Variants in FAF1 observed in about 807,000 individuals in gnomAD.
FAF1 encodes the protein FAS-associated factor 1.
A neutral mutation model predicts 92.5 loss-of-function variants in FAF1; 25 were observed. That is an observed-to-expected ratio of 0.27 (90% CI 0.20 to 0.38). The LOEUF (loss-of-function observed/expected upper bound fraction) is 0.38, where lower values mean the gene tolerates loss of function less well. FAF1 is among the 10% of genes least tolerant of loss of function. The probability of loss-of-function intolerance (pLI) is 1.00; values close to 1 mark genes in which losing one functional copy is unlikely to be tolerated. For missense variants in FAF1, 636 were observed against 793.3 expected, an observed-to-expected ratio of 0.80 and a Z score of 2.38; for synonymous variants, 234 against 273.2, an observed-to-expected ratio of 0.86 and a Z score of 1.42.
At chr1:50,779,275 T>C (rs1661074394) in intron 4 of FAF1, among the ~76,000 whole-genome samples, 1 of 152,200 alleles carries the variant, frequency 6.6e-6, no homozygotes, top group Non-Finnish European at 1.5e-5. Flanking sequence ...TCCAAACTCC[T>C]ATTAATGTTG....
rs1295848281 is a variant in FAF1, at chr1:50,450,357, G to C, written c.1870-8834C>G. Among the ~76,000 whole-genome samples, 4 of 152,258 alleles carry C rather than the reference G, an allele frequency of 2.6e-5. No homozygotes were observed. The East Asian group carries it at 7.7e-4, about 29-fold the overall frequency. ...ATTCTCTGAGGTCAAAAATGGTTCT[G>C]AGACTTGCTCAAGATTACATAGCTA... On this transcript the variant is annotated intron_variant, in intron 18 of 18. Transcript: ENST00000396153.
chr1:50,907,677 A>T (rs1644851083), intron 1 of FAF1, among the ~76,000 whole-genome samples: 1 of 151,926 alleles, frequency 6.6e-6, no homozygotes, highest in African/African-American at 2.4e-5. Flanking sequence ...AGAGTTGTTT[A>T]TAGTATTCTC....
intron 4 of FAF1, among the ~76,000 whole-genome samples, chr1:50,774,350 G>C (rs1319764700): frequency 1.3e-5 from 2 of 152,142 alleles, no homozygotes. Flanking sequence ...GGAGGGATAA[G>C]GCATTTGCCA....
chr1:50,620,101 G>T (rs1329549146), intron 8 of FAF1, among the ~76,000 whole-genome samples: 3 of 151,998 alleles, frequency 2.0e-5, no homozygotes, highest in Non-Finnish European at 4.4e-5. Context: ...TAAAGACAGG[G>T]TTTCACTATG....
At chr1:50,822,814 G>T (rs1428153789) in intron 2 of FAF1, among the ~76,000 whole-genome samples, 3 of 105,798 alleles carry the variant, frequency 2.8e-5, no homozygotes, top group African/African-American at 1.2e-4. Flanking sequence ...CGCTCTTGTT[G>T]CCCAGGCTGG....
rs1244173287 is a variant in FAF1, at chr1:50,490,795, A to C, written c.1576-130T>G. ...TGACATTCAAAGGCTCATTGTCAAC[A>C]TGACTCAGAGGTATATTGTGGTAAC... On this transcript the variant is annotated intron_variant, in intron 16 of 18. Coordinates refer to ENST00000396153, the MANE Select transcript of FAF1 (RefSeq NM_007051.3). 4 of 693,026 alleles carry C rather than the reference A, an allele frequency of 5.8e-6. No homozygotes were observed. In the East Asian group the frequency reaches 7.7e-5, roughly 13 times the overall value. The allele number at this position is 693,026 out of a possible 1,614,324, so 42.9% of individuals were successfully genotyped here.
chr1:50,542,734 T>C (rs916522278), intron 13 of FAF1, among the ~76,000 whole-genome samples: 2 of 152,198 alleles, frequency 1.3e-5, no homozygotes, highest in Non-Finnish European at 2.9e-5. Flanking sequence ...TTTTAAATAA[T>C]ACAATTTCTG....
At chr1:50,569,617 G>A (rs900673047) in intron 12 of FAF1, among the ~76,000 whole-genome samples, 4 of 152,124 alleles carry the variant, frequency 2.6e-5, no homozygotes, top group African/African-American at 9.7e-5. Flanking sequence ...TAATGAGACA[G>A]TGGGAAAAAG....
chr1:50,644,958 C>T (rs996070563), intron 8 of FAF1, among the ~76,000 whole-genome samples: 2 of 152,234 alleles, frequency 1.3e-5, no homozygotes, highest in African/African-American at 4.8e-5. Flanking sequence ...AGTGCTTCAT[C>T]CACATTCCCA....
chr1:50,932,587 C>T (rs1427891127), intron 1 of FAF1, among the ~76,000 whole-genome samples: 3 of 152,220 alleles, frequency 2.0e-5, no homozygotes, highest in African/African-American at 7.2e-5. Context: ...CTTCTAGGTG[C>T]TTTCACAGGC....
In FAF1 at chr1:50,836,170, G is replaced by GTTTTTTTTTTTTTTTTTTTTT. The variant is rs36053491; in HGVS notation, c.114+21758_114+21759insAAAAAAAAAAAAAAAAAAAAA. On this transcript the variant is annotated intron_variant, in intron 2 of 18. Transcript: ENST00000396153. ...GTGTGTGTTTTTGTTTTTTGTTTCT[G>GTTTTTTTTTTTTTTTTTTTTT]TTTTTTTTTTTTTTTTTTTAGACAG... Among the ~76,000 whole-genome samples, 34 of 98,516 alleles carry GTTTTTTTTTTTTTTTTTTTTT rather than the reference G, an allele frequency of 3.5e-4. 3 individuals are homozygous for GTTTTTTTTTTTTTTTTTTTTT. Among genetic ancestry groups the GTTTTTTTTTTTTTTTTTTTTT allele is most frequent in the African/African-American group, 8.5e-4 (20 of 23,466 alleles). The allele number at this position is 98,516 out of a possible 152,430, so 64.6% of individuals were successfully genotyped here. A position where few individuals can be genotyped will look rare whatever the true frequency, so the allele number is the denominator to read the frequency against.
chr1:50,509,087 A>C (rs1330060191), intron 15 of FAF1, among the ~76,000 whole-genome samples: 1 of 151,190 alleles, frequency 6.6e-6, no homozygotes, highest in Admixed American at 6.6e-5. Context: ...GGGAGGCCAT[A>C]CAAGCTGCTG....
intron 18 of FAF1, among the ~76,000 whole-genome samples, chr1:50,457,395 C>T (rs1316529187): frequency 6.6e-6 from 1 of 152,138 alleles, no homozygotes; most frequent in Non-Finnish European, 1.5e-5. Flanking sequence ...TTGAAAATTA[C>T]AAGGAGTGTC....
chr1:50,828,502 C>T (rs1217543056), intron 2 of FAF1, among the ~76,000 whole-genome samples: 1 of 152,098 alleles, frequency 6.6e-6, no homozygotes. Flanking sequence ...ATCTCCTGAC[C>T]TCGTGATCTG....
chr1:50,765,682 A>G (rs1660540551), intron 4 of FAF1, among the ~76,000 whole-genome samples: 1 of 152,226 alleles, frequency 6.6e-6, no homozygotes, highest in South Asian at 2.1e-4. Flanking sequence ...CAGGCCCTCT[A>G]TGGGCTTCTG....
At chr1:50,943,813 A>G (rs1019170200) in intron 1 of FAF1, among the ~76,000 whole-genome samples, 5 of 152,356 alleles carry the variant, frequency 3.3e-5, no homozygotes, top group African/African-American at 9.6e-5. Flanking sequence ...TAGGAGGGAG[A>G]TAAGCTAATA....
At chr1:50,703,745 A>T (rs757947088) in intron 7 of FAF1, among the ~76,000 whole-genome samples, 3 of 152,146 alleles carry the variant, frequency 2.0e-5, no homozygotes, top group Non-Finnish European at 2.9e-5. Context: ...GAAGCTTAAG[A>T]TATATTTGAT....
chr1:50,882,600 TTAAA>T (rs60244087), intron 1 of FAF1, among the ~76,000 whole-genome samples: 38,754 of 140,252 alleles, frequency 0.28, 5,465 homozygotes, highest in Middle Eastern at 0.37. Flanking sequence ...AGACTCTGTC[TTAAA>T]TAAATAAATA....
At chr1:50,553,120 A>G (rs536263691) in intron 13 of FAF1, among the ~76,000 whole-genome samples, 4 of 152,300 alleles carry the variant, frequency 2.6e-5, no homozygotes, top group Admixed American at 2.6e-4. Context: ...TGGATATAGG[A>G]AAGGGTAGAT....
Sources: allele counts gnomAD v4.1 joint callset (sites outside exome capture counted in the v4.1 genomes callset), GRCh38; gene constraint gnomAD v4.1.1; transcripts MANE v1.5; gene names NCBI Gene and HGNC (gene_info 2026-07-23, HGNC 2026-07-21).